The following ASCC1 variants were observed in gnomAD, a reference collection of about 807,000 sequenced individuals.
The protein encoded by ASCC1 is ASC-1 complex subunit P50.
A neutral mutation model predicts 46.6 loss-of-function variants in ASCC1; 35 were observed. The ratio of observed to expected loss-of-function variants is 0.75; its 90% CI spans 0.57 to 0.99. The LOEUF (loss-of-function observed/expected upper bound fraction) is 0.99, where lower values mean the gene tolerates loss of function less well. ASCC1 is among the 50% of genes least tolerant of loss of function. The pLI is 0.00. For synonymous variants in ASCC1, 143 were observed against 146.6 expected, an observed-to-expected ratio of 0.98 and a Z score of 0.18; for missense variants, 376 against 428.7, an observed-to-expected ratio of 0.88 and a Z score of 1.09.
chr10:72,181,107 AGG>A (rs1272885972), intron 5 of ASCC1: 13 of 152,438 alleles, frequency 8.5e-5, no homozygotes, highest in African/African-American at 3.1e-4. Flanking sequence ...CTGGGACTAC[AGG>A]CACGCACCAC....
chr10:72,123,033 A>T (rs763907557), intron 9 of ASCC1, among the ~76,000 whole-genome samples: 3 of 152,194 alleles, frequency 2.0e-5, no homozygotes, highest in Non-Finnish European at 4.4e-5. Flanking sequence ...AATGAAAGAA[A>T]TAATTTAAAA....
chr10:72,143,575 T>C (rs1386432849), intron 7 of ASCC1, among the ~76,000 whole-genome samples: 3 of 150,048 alleles, frequency 2.0e-5, no homozygotes, highest in Non-Finnish European at 3.0e-5. Flanking sequence ...AAGTATAATA[T>C]GCAAGATACC....
chr10:72,151,220 G>C (rs1848282372), intron 7 of ASCC1, among the ~76,000 whole-genome samples: 2 of 152,168 alleles, frequency 1.3e-5, no homozygotes, highest in Non-Finnish European at 2.9e-5. Context: ...TGATAGACTG[G>C]ATTAAGAAAA....
chr10:72,199,686 G>A (rs112178497), intron 4 of ASCC1, among the ~76,000 whole-genome samples: 36 of 152,108 alleles, frequency 2.4e-4, no homozygotes, highest in African/African-American at 8.0e-4. Context: ...CGCCCACCCC[G>A]GCATGAGCTA....
chr10:72,149,161 G>A (rs559597108), intron 7 of ASCC1, among the ~76,000 whole-genome samples: 35 of 151,824 alleles, frequency 2.3e-4, no homozygotes, highest in African/African-American at 2.9e-4. Flanking sequence ...TGTTGTGGCC[G>A]GGCACGGTGG....
intron 9 of ASCC1, among the ~76,000 whole-genome samples, chr10:72,121,019 A>G (rs1844133972): frequency 6.6e-6 from 1 of 152,214 alleles, no homozygotes; most frequent in South Asian, 2.1e-4. Context: ...ATCCAACTAT[A>G]TTAATCAATA....
At chr10:72,151,698 T>G (rs747616138) in intron 7 of ASCC1, among the ~76,000 whole-genome samples, 1 of 152,066 alleles carries the variant, frequency 6.6e-6, no homozygotes, top group African/African-American at 2.4e-5. Flanking sequence ...TTTTTAAATT[T>G]TTTTTTTTTT....
At position 72,196,823 on chromosome 10, in the gene ASCC1, C is replaced by A; in HGVS notation, c.477G>T (p.Ala159=). ...GFLRFQEEVL[A]KCSMDHGVDS... ...TGTTTGCACTTACCATGGAGCACTT[C>A]GCCAGTACTTCCTCCTGGAATCTCA... is the stretch of plus-strand genomic sequence containing the variant. The change falls in exon 5 of 10, where the codon GCG becomes GCT. Residue 159 remains alanine (A), a synonymous_variant. Coordinates refer to ENST00000672957, the MANE Select transcript of ASCC1 (RefSeq NM_001198800.3). The A allele has an allele frequency of 6.2e-7, 1 of 1,612,846 alleles. No homozygotes were observed. Among genetic ancestry groups the A allele is most frequent in the Non-Finnish European group, 8.5e-7 (1 of 1,179,906 alleles).
intron 5 of ASCC1, among the ~76,000 whole-genome samples, chr10:72,185,900 T>C (rs984667509): frequency 3.3e-5 from 5 of 152,208 alleles, no homozygotes; most frequent in African/African-American, 1.2e-4. Context: ...TAACCCATGT[T>C]ATTCTACCTC....
At chr10:72,184,789 CAAA>C (rs748889579) in intron 5 of ASCC1, among the ~76,000 whole-genome samples, 1 of 99,278 alleles carries the variant, frequency 1.0e-5, no homozygotes, top group Admixed American at 1.1e-4. Context: ...GACTCTATCT[CAAA>C]AAAAAAAAAA....
chr10:72,136,141 G>C (rs1846159362), intron 7 of ASCC1, among the ~76,000 whole-genome samples: 1 of 152,158 alleles, frequency 6.6e-6, no homozygotes, highest in Non-Finnish European at 1.5e-5. Context: ...TCCTGCCTCA[G>C]CCTCCCAAGT....
At position 72,124,723 on chromosome 10, in the gene ASCC1, CTTT is replaced by C. The variant is rs34682603; in HGVS notation, c.957+3356_957+3358del. Among the ~76,000 whole-genome samples the C allele has an allele frequency of 9.6e-4, 114 of 118,636 alleles. 1 individual carries two copies. Among genetic ancestry groups the C allele is most frequent in the African/African-American group, 3.6e-3 (105 of 28,784 alleles). The allele number at this position is 118,636 out of a possible 152,430, so 77.8% of individuals were successfully genotyped here. A position where few individuals can be genotyped will look rare whatever the true frequency, so the allele number is the denominator to read the frequency against. The stretch of plus-strand genomic sequence containing the variant: ...CTGCCTATGGCTAAACAAACAACAT[CTTT>C]TTTTTTTTTTTTTTTTTTGCTATCT... On this transcript the variant is annotated intron_variant, in intron 9 of 9. Coordinates refer to ENST00000672957, the MANE Select transcript of ASCC1 (RefSeq NM_001198800.3).
chr10:72,188,124 T>C (rs949929049), intron 5 of ASCC1, among the ~76,000 whole-genome samples: 11 of 144,478 alleles, frequency 7.6e-5, no homozygotes, highest in African/African-American at 1.3e-4. Context: ...ACTTCTTCTT[T>C]TTTTTTTTTT....
intron 8 of ASCC1, among the ~76,000 whole-genome samples, chr10:72,129,969 C>A (rs1845384387): frequency 1.0e-5 from 1 of 99,996 alleles, no homozygotes; most frequent in Non-Finnish European, 1.8e-5. Context: ...CAACAGAGAC[C>A]TTGTCTCAAA....
At chr10:72,211,515 G>A (rs142244105) in intron 2 of ASCC1, among the ~76,000 whole-genome samples, 1,679 of 152,216 alleles carry the variant, frequency 0.011, 16 homozygotes, top group Non-Finnish European at 0.017. Context: ...ATTTGAGCCC[G>A]GGAGGTGAGG....
At chr10:72,208,867 A>T (rs1857616517) in intron 3 of ASCC1, among the ~76,000 whole-genome samples, 1 of 152,162 alleles carries the variant, frequency 6.6e-6, no homozygotes, top group Admixed American at 6.6e-5. Context: ...CAGTGAAGAT[A>T]CAGACAGCTG....
At chr10:72,162,481 A>AT (rs1305801749) in intron 5 of ASCC1, among the ~76,000 whole-genome samples, 1 of 150,104 alleles carries the variant, frequency 6.7e-6, no homozygotes, top group Non-Finnish European at 1.5e-5. Context: ...CAATTTTTTT[A>AT]TTTTTTAAGA....
At chr10:72,103,960 T>C (rs1193975733) in intron 9 of ASCC1, among the ~76,000 whole-genome samples, 2 of 152,188 alleles carry the variant, frequency 1.3e-5, no homozygotes, top group African/African-American at 4.8e-5. Flanking sequence ...GGATCTTTAT[T>C]CTGAAGGCTC....
intron 9 of ASCC1, among the ~76,000 whole-genome samples, chr10:72,118,517 C>T (rs181618282): frequency 2.0e-4 from 31 of 152,232 alleles, no homozygotes; most frequent in Non-Finnish European, 3.7e-4. Flanking sequence ...TGGTGGCTCA[C>T]GCCTGTAATC....
Sources: allele counts gnomAD v4.1 joint callset (sites outside exome capture counted in the v4.1 genomes callset), GRCh38; gene constraint gnomAD v4.1.1; transcripts MANE v1.5; gene names NCBI Gene and HGNC (gene_info 2026-07-23, HGNC 2026-07-21).